Variants in KATNAL2 observed in about 807,000 individuals in gnomAD.
KATNAL2 encodes the protein katanin catalytic subunit A1 like 2.
A neutral mutation model predicts 76.3 loss-of-function variants in KATNAL2; 52 were observed. That is an observed-to-expected ratio of 0.68 (90% CI 0.55 to 0.86). The LOEUF is 0.86. KATNAL2 is among the 40% of genes least tolerant of loss of function. The probability of loss-of-function intolerance (pLI) is 0.00; values close to 1 mark genes in which losing one functional copy is unlikely to be tolerated. For missense variants in KATNAL2, 660 were observed against 668.9 expected, an observed-to-expected ratio of 0.99 and a Z score of 0.15; for synonymous variants, 243 against 244.2, an observed-to-expected ratio of 1.00 and a Z score of 0.05.
At chr18:47,080,698 G>A (rs978268346) in intron 15 of KATNAL2, among the ~76,000 whole-genome samples, 1 of 152,160 alleles carries the variant, frequency 6.6e-6, no homozygotes, top group Non-Finnish European at 1.5e-5. Context: ...CCACAACCTC[G>A]CTAACGCTTG....
At chr18:47,038,224 G>A (rs539624725) in intron 3 of KATNAL2, among the ~76,000 whole-genome samples, 1 of 152,242 alleles carries the variant, frequency 6.6e-6, no homozygotes, top group South Asian at 2.1e-4. Context: ...GATTTGTTTA[G>A]GATTAAGAAT....
intron 3 of KATNAL2, chr18:47,033,978 T>C: frequency 6.2e-7 from 1 of 1,613,430 alleles, no homozygotes; most frequent in Non-Finnish European, 8.5e-7. Flanking sequence ...CAGGAGGCAA[T>C]TTCTTAGCCG....
At chr18:46,921,218 C>T (rs1442544682) in intron 1 of KATNAL2, among the ~76,000 whole-genome samples, 2 of 152,178 alleles carry the variant, frequency 1.3e-5, no homozygotes, top group Non-Finnish European at 2.9e-5. Context: ...ACCTCTGCCC[C>T]CCCGAATTTA....
At chr18:47,081,301 G>A (rs999781837) in intron 15 of KATNAL2, among the ~76,000 whole-genome samples, 10 of 151,988 alleles carry the variant, frequency 6.6e-5, no homozygotes, top group African/African-American at 4.8e-5. Flanking sequence ...TATATTGTGA[G>A]GCACATGCAT....
intron 15 of KATNAL2, among the ~76,000 whole-genome samples, chr18:47,087,752 CTGTG>C (rs35852657): frequency 0.041 from 6,084 of 148,150 alleles, 105 homozygotes; most frequent in African/African-American, 0.05. Context: ...TCTTTTACAT[CTGTG>C]TGTGTGTGTG....
chr18:47,053,117 C>T, intron 5 of KATNAL2, 71 bp downstream of exon 5: 1 of 1,306,282 alleles, frequency 7.7e-7, no homozygotes. Context: ...TCATCTTATT[C>T]CCAGATAGAT....
At chr18:47,040,994 A>G (rs979759238) in intron 3 of KATNAL2, among the ~76,000 whole-genome samples, 4 of 152,214 alleles carry the variant, frequency 2.6e-5, no homozygotes, top group African/African-American at 4.8e-5. Flanking sequence ...ATTTGAAACC[A>G]TAAACATCCA....
chr18:47,032,921 T>C, intron 3 of KATNAL2: 2 of 1,609,474 alleles, frequency 1.2e-6, no homozygotes, highest in South Asian at 1.1e-5. Context: ...TGGTGTCCAT[T>C]GGAAGTTTCG....
chr18:47,090,107 TTTC>T (rs1424333746), intron 15 of KATNAL2, among the ~76,000 whole-genome samples: 3 of 150,636 alleles, frequency 2.0e-5, no homozygotes, highest in Non-Finnish European at 3.0e-5. Flanking sequence ...TGAACTAGTA[TTTC>T]TTCTTTTTTT....
intron 5 of KATNAL2, 32 bp downstream of exon 5, chr18:47,053,078 G>T: frequency 6.6e-7 from 1 of 1,508,462 alleles, no homozygotes; most frequent in Non-Finnish European, 8.9e-7. Flanking sequence ...ATAAGGCTTT[G>T]TCTCATCTGT....
intron 1 of KATNAL2, among the ~76,000 whole-genome samples, chr18:46,922,982 C>T (rs757961596): frequency 6.8e-6 from 1 of 147,070 alleles, no homozygotes; most frequent in African/African-American, 2.5e-5. Flanking sequence ...GTAAACACTT[C>T]AGTCCATATA....
At position 46,955,984 on chromosome 18, in the gene KATNAL2, A is replaced by T. The variant is rs539189111; in HGVS notation, c.51+9061A>T. ...CCTACTGGGTACAAAGAATCCTACT[A>T]GTTGCTCTTGCAGAGGTTGGTTTCA... is the stretch of plus-strand genomic sequence containing the variant. On this transcript the variant is annotated intron_variant, in intron 3 of 17. Transcript: ENST00000683218. Among the ~76,000 whole-genome samples the T allele has an allele frequency of 7.9e-4, 121 of 152,316 alleles. 3 individuals carry two copies. Among genetic ancestry groups the T allele is most frequent in the Admixed American group, 5.0e-3 (77 of 15,300 alleles).
intron 3 of KATNAL2, among the ~76,000 whole-genome samples, chr18:46,962,019 C>A (rs1343794039): frequency 6.6e-6 from 1 of 152,212 alleles, no homozygotes; most frequent in Non-Finnish European, 1.5e-5. Flanking sequence ...TCTAAGTCTA[C>A]TGGTCTTGTA....
intron 13 of KATNAL2, among the ~76,000 whole-genome samples, chr18:47,071,452 G>C (rs1027767381): frequency 1.3e-5 from 2 of 152,150 alleles, no homozygotes; most frequent in Non-Finnish European, 2.9e-5. Flanking sequence ...CATATGCCTA[G>C]AGACGACTGT....
chr18:47,099,342 TC>T lies in KATNAL2; in HGVS notation c.1313del (p.Pro438LeufsTer2). 1 of 1,614,092 alleles carries T rather than the reference TC, an allele frequency of 6.2e-7. No individual in the cohort carries two copies. The highest frequency in any genetic ancestry group is 1.7e-5 in the Admixed American group (1 of 60,020). On this transcript the variant is annotated frameshift_variant, in exon 16 of 18. Transcript: ENST00000683218. LOFTEE classifies it high-confidence loss of function. ...AGGCCATGATCTACCACTGGCTGCCTCCTGTGAGCAAGAGCAGGGCCTTGGA... is the reference window on the plus strand; with the variant it reads ...AGGCCATGATCTACCACTGGCTGCCTCTGTGAGCAAGAGCAGGGCCTTGGA... Reference protein sequence around the residue: ...RQAMIYHWLPPVSKSRALELH... With the variant: ...RQAMIYHWLPXVSKSRALELH...
intron 3 of KATNAL2, among the ~76,000 whole-genome samples, chr18:47,041,669 T>G (rs1429901961): frequency 6.6e-6 from 1 of 152,262 alleles, no homozygotes; most frequent in East Asian, 1.9e-4. Flanking sequence ...AACATCCCTG[T>G]GCCAGTTTCT....
chr18:46,935,660 G>A (rs2059066929), intron 1 of KATNAL2, among the ~76,000 whole-genome samples: 1 of 152,160 alleles, frequency 6.6e-6, no homozygotes. Context: ...GCTCACACCT[G>A]TAATCCCAGC....
rs71264809 is a variant in KATNAL2 at position 46,957,037 on chromosome 18, CA to C, written c.51+10131del. On this transcript the variant is annotated intron_variant, in intron 3 of 17. Coordinates refer to ENST00000683218, the MANE Select transcript of KATNAL2 (RefSeq NM_001387690.1). Reference sequence around the variant, plus strand: ...GGGACACAAGAGCGAAACTCCGTCTCAAAAAAAAAAAAAAAAAGAAAAAGAA... The same window carrying C: ...GGGACACAAGAGCGAAACTCCGTCTCAAAAAAAAAAAAAAAAGAAAAAGAA... 1.5e-3 allele frequency among the ~76,000 whole-genome samples: 162 copies of C among 104,854 alleles called. 1 individual carries two copies. The highest frequency in any genetic ancestry group is 6.9e-3 in the South Asian group (21 of 3,042). The allele number at this position is 104,854 out of a possible 152,430, so 68.8% of individuals were successfully genotyped here. A position where few individuals can be genotyped will look rare whatever the true frequency, so the allele number is the denominator to read the frequency against.
Position 47,100,236 on chromosome 18 carries a change from G to A in KATNAL2, c.1375-18G>A, listed in dbSNP as rs745814370. 10 of 1,603,282 alleles carry A rather than the reference G, an allele frequency of 6.2e-6. No individual in the cohort carries two copies. In the African/African-American group the frequency reaches 1.3e-4, roughly 21 times the overall value. On this transcript the variant is annotated intron_variant, in intron 16 of 17. Coordinates refer to ENST00000683218, the MANE Select transcript of KATNAL2 (RefSeq NM_001387690.1). ...CATTCTGCCCACTGACCAATGGCTG[G>A]TTTTTTGGCTGTTTCAGGAGACTGA...
Sources: gnomAD v4.1 joint callset for allele counts (sites outside exome capture counted in the v4.1 genomes callset) on GRCh38, gnomAD v4.1.1 for gene constraint, MANE v1.5 for transcripts, NCBI Gene and HGNC (gene_info 2026-07-23, HGNC 2026-07-21) for gene names.